The following UMAD1 variants were observed in gnomAD, a reference collection of about 807,000 sequenced individuals.
UMAD1 encodes UBAP1-MVB12-associated (UMA)-domain containing protein 1.
Under a neutral mutation model 6.1 loss-of-function variants are expected in UMAD1, and 8 were observed. The observed-to-expected ratio is 1.30, with a 90% confidence interval of 0.76 to 2.35. The LOEUF (loss-of-function observed/expected upper bound fraction) is 2.35. UMAD1 is among the 30% of genes most tolerant of loss of function. The pLI, the probability that UMAD1 is intolerant of heterozygous loss-of-function variation, is 0.00. For missense variants in UMAD1, 130 were observed against 78.4 expected (o/e 1.66, Z -2.49); for synonymous variants, 56 against 31.4 (o/e 1.78, Z -2.61).
intron 3 of UMAD1, among the ~76,000 whole-genome samples, chr7:7,834,074 G>C (rs890313217): frequency 7.1e-6 from 1 of 140,172 alleles, no homozygotes; most frequent in Non-Finnish European, 1.5e-5. Flanking sequence ...CCAGGCTGGA[G>C]TGCAATGGCG....
chr7:7,826,851 A>G (rs1054321520), intron 3 of UMAD1, among the ~76,000 whole-genome samples: 7 of 152,196 alleles, frequency 4.6e-5, no homozygotes, highest in South Asian at 2.1e-4. Context: ...AGAAACGTCC[A>G]CCAATACACA....
intron 2 of UMAD1, among the ~76,000 whole-genome samples, chr7:7,794,988 A>G (rs530390101): frequency 3.9e-5 from 6 of 152,342 alleles, no homozygotes; most frequent in South Asian, 2.1e-4. Context: ...GTCTTTAGAC[A>G]AAGCTGAACT....
chr7:7,821,137 G>C (rs1288658882), intron 3 of UMAD1, among the ~76,000 whole-genome samples: 2 of 152,130 alleles, frequency 1.3e-5, no homozygotes, highest in African/African-American at 4.8e-5. Context: ...GATCTGACTC[G>C]CAGGAAAACA....
chr7:7,868,476 C>T (rs574187868), intron 3 of UMAD1: 15 of 151,644 alleles, frequency 9.9e-5, no homozygotes, highest in Admixed American at 5.9e-4. Context: ...AAGAGGAAGT[C>T]GGGAGAACAT....
chr7:7,811,982 G>C (rs960166538), intron 3 of UMAD1, among the ~76,000 whole-genome samples: 2 of 152,294 alleles, frequency 1.3e-5, no homozygotes, highest in Admixed American at 1.3e-4. Flanking sequence ...ACACTGCCAA[G>C]ATAAACTTAC....
chr7:7,837,538 CACTG>C (rs1347773537), intron 3 of UMAD1, among the ~76,000 whole-genome samples: 1 of 151,940 alleles, frequency 6.6e-6, no homozygotes, highest in Non-Finnish European at 1.5e-5. Flanking sequence ...AAACAAAAGC[CACTG>C]ACTAAGTATG....
At chr7:7,837,399 A>G (rs1287530065) in intron 3 of UMAD1, among the ~76,000 whole-genome samples, 6 of 152,156 alleles carry the variant, frequency 3.9e-5, no homozygotes, top group Non-Finnish European at 8.8e-5. Context: ...TTATATGAGA[A>G]TAAATCTAAA....
At chr7:7,850,373 A>G (rs917802583) in intron 3 of UMAD1, among the ~76,000 whole-genome samples, 1 of 152,140 alleles carries the variant, frequency 6.6e-6, no homozygotes, top group African/African-American at 2.4e-5. Context: ...TAAAAAATAC[A>G]TGAACAAGCT....
At chr7:7,650,832 T>G (rs887116602) in intron 1 of UMAD1, among the ~76,000 whole-genome samples, 1 of 152,224 alleles carries the variant, frequency 6.6e-6, no homozygotes, top group African/African-American at 2.4e-5. Context: ...GCATGGCATA[T>G]AAGAAAGACA....
chr7:7,762,847 C>T (rs1365019006), intron 2 of UMAD1, among the ~76,000 whole-genome samples: 12 of 151,854 alleles, frequency 7.9e-5, no homozygotes, highest in Non-Finnish European at 1.6e-4. Flanking sequence ...GAGTTGAAAG[C>T]ACATTACATA....
At chr7:7,676,191 A>G in intron 2 of UMAD1, 1 of 398,462 alleles carries the variant, frequency 2.5e-6, no homozygotes, top group East Asian at 3.6e-5. Context: ...TCCACGACTT[A>G]CTCTCTACCC....
chr7:7,648,213 G>T (rs1785142069), intron 1 of UMAD1, among the ~76,000 whole-genome samples: 1 of 152,194 alleles, frequency 6.6e-6, no homozygotes, highest in South Asian at 2.1e-4. Context: ...CTAGATGTAT[G>T]GGGGATGGAT....
At chr7:7,727,949 T>A (rs1014663615) in intron 2 of UMAD1, among the ~76,000 whole-genome samples, 1 of 152,020 alleles carries the variant, frequency 6.6e-6, no homozygotes, top group Non-Finnish European at 1.5e-5. Flanking sequence ...TGTGATTTAA[T>A]ACTCCTTAAT....
chr7:7,835,079 G>T (rs79131252), intron 3 of UMAD1, among the ~76,000 whole-genome samples: 1 of 152,156 alleles, frequency 6.6e-6, no homozygotes, highest in Admixed American at 6.5e-5. Flanking sequence ...TTTACAGTTC[G>T]AGGTGAGATT....
intron 2 of UMAD1, among the ~76,000 whole-genome samples, chr7:7,783,396 G>GTT (rs78806915): frequency 3.4e-5 from 5 of 148,030 alleles, no homozygotes; most frequent in South Asian, 4.3e-4. Context: ...AATAGAAGTT[G>GTT]TTTTTTTTTT....
At chr7:7,840,920 C>T (rs1027890847) in intron 3 of UMAD1, among the ~76,000 whole-genome samples, 2 of 152,258 alleles carry the variant, frequency 1.3e-5, no homozygotes, top group South Asian at 4.1e-4. Context: ...TAGCAGTCTG[C>T]ACTTGTCAGA....
intron 2 of UMAD1, among the ~76,000 whole-genome samples, chr7:7,682,015 A>C (rs62432580): frequency 0.051 from 7,708 of 152,296 alleles, 243 homozygotes; most frequent in Middle Eastern, 0.12. Flanking sequence ...TTGTTGGTTC[A>C]CTAATATTGT....
intron 2 of UMAD1, among the ~76,000 whole-genome samples, chr7:7,777,334 A>G (rs1481267484): frequency 2.0e-5 from 3 of 151,052 alleles, no homozygotes; most frequent in Non-Finnish European, 2.9e-5. Flanking sequence ...GTGAAACCCT[A>G]TCTCTACTAA....
chr7:7,681,332 G>A (rs1341170440), intron 2 of UMAD1, among the ~76,000 whole-genome samples: 1 of 152,126 alleles, frequency 6.6e-6, no homozygotes, highest in Non-Finnish European at 1.5e-5. Context: ...CAGAGTTGAT[G>A]GAATCAACAC....
Sources: allele counts gnomAD v4.1 joint callset (sites outside exome capture counted in the v4.1 genomes callset), GRCh38; gene constraint gnomAD v4.1.1; transcripts MANE v1.5; gene names NCBI Gene and HGNC (gene_info 2026-07-23, HGNC 2026-07-21).